DISP1: variants seen among roughly 807,000 people sequenced by gnomAD.
DISP1 encodes the protein dispatched RND transporter family member 1.
A neutral mutation model predicts 37.3 loss-of-function variants in DISP1; 30 were observed. The observed-to-expected ratio is 0.80, with a 90% confidence interval of 0.60 to 1.09. The LOEUF (loss-of-function observed/expected upper bound fraction) is 1.09. Ranked by LOEUF, DISP1 falls within the 50% of genes least tolerant of loss-of-function variation. The pLI is 0.00. For missense variants in DISP1, 1,598 were observed against 1,879.5 expected, an observed-to-expected ratio of 0.85 and a Z score of 2.77; for synonymous variants, 634 against 690.2, an observed-to-expected ratio of 0.92 and a Z score of 1.28.
At chr1:222,855,105 T>C (rs2125316008) in intron 1 of DISP1, among the ~76,000 whole-genome samples, 1 of 152,336 alleles carries the variant, frequency 6.6e-6, no homozygotes, top group East Asian at 1.9e-4. Context: ...ATATAATAAA[T>C]TAGCTTTTGC....
chr1:222,869,906 AT>A (rs2125341618), intron 1 of DISP1, among the ~76,000 whole-genome samples: 1 of 152,180 alleles, frequency 6.6e-6, no homozygotes, highest in Non-Finnish European at 1.5e-5. Context: ...GTCATTTAGC[AT>A]TAGGTATATC....
intron 1 of DISP1, among the ~76,000 whole-genome samples, chr1:222,859,221 T>C (rs1307542038): frequency 6.6e-6 from 1 of 152,074 alleles, no homozygotes; most frequent in Non-Finnish European, 1.5e-5. Context: ...CTCAGCAAAC[T>C]AACACAGGAA....
intron 1 of DISP1, among the ~76,000 whole-genome samples, chr1:222,846,113 A>C (rs1051575086): frequency 1.3e-5 from 2 of 152,130 alleles, no homozygotes; most frequent in African/African-American, 4.8e-5. Flanking sequence ...GTTAATTTTT[A>C]TGTATGTTGA....
intron 8 of DISP1, among the ~76,000 whole-genome samples, chr1:222,997,421 T>G (rs962483452): frequency 6.6e-6 from 1 of 152,226 alleles, no homozygotes; most frequent in South Asian, 2.1e-4. Context: ...AGTTCCCCCA[T>G]AGTCTTCATA....
chr1:222,950,253 G>GA (rs1258916755), intron 3 of DISP1, among the ~76,000 whole-genome samples: 1 of 152,044 alleles, frequency 6.6e-6, no homozygotes, highest in Non-Finnish European at 1.5e-5. Context: ...GAAAGTGGAG[G>GA]AAAGTTGTGA....
In DISP1 at chr1:223,003,716, G is replaced by A. The variant is rs372615313; in HGVS notation, c.2319G>A (p.Met773Ile). The stretch of plus-strand genomic sequence containing the variant: ...ATGCTGAATACAAAAAGCTTTTCAT[G>A]TTTGAACGTGTTCACCATGGCGAGG... Reference protein sequence around the residue: ...RYDAEYKKLFMFERVHHGEEL... With the variant: ...RYDAEYKKLFIFERVHHGEEL... The change falls in exon 9 of 9, where the codon ATG (methionine) becomes ATA (isoleucine). Residue 773 changes from methionine (M) to isoleucine (I), a missense_variant. Transcript: ENST00000675850. The surrounding 1 kb of genome is among the most constrained non-coding windows in gnomAD (Gnocchi z 4.3). 8.1e-6 allele frequency: 13 copies of A among 1,614,022 alleles called. No individual in the cohort carries two copies. Among genetic ancestry groups the A allele is most frequent in the East Asian group, 4.5e-5 (2 of 44,892 alleles).
intron 2 of DISP1, among the ~76,000 whole-genome samples, chr1:222,937,199 C>A (rs1468475167): frequency 6.7e-6 from 1 of 150,218 alleles, no homozygotes. Context: ...ACGCCATTCT[C>A]CTGCCTCAGC....
chr1:222,842,308 C>A (rs1165684634), intron 1 of DISP1, among the ~76,000 whole-genome samples: 10 of 118,782 alleles, frequency 8.4e-5, no homozygotes, highest in African/African-American at 2.7e-4. Flanking sequence ...TAAAACCTGT[C>A]ATTTTAAAAA....
intron 2 of DISP1, among the ~76,000 whole-genome samples, chr1:222,936,262 G>A (rs1673716023): frequency 6.6e-6 from 1 of 152,014 alleles, no homozygotes; most frequent in South Asian, 2.1e-4. Flanking sequence ...ACCACACAAT[G>A]GTGAAATCAC....
chr1:222,910,774 G>T (rs2889941), intron 1 of DISP1, among the ~76,000 whole-genome samples: 50,876 of 151,996 alleles, frequency 0.33, 8,677 homozygotes, highest in East Asian at 0.52. Context: ...GTACCTTGAA[G>T]AAATATGTAG....
intron 1 of DISP1, among the ~76,000 whole-genome samples, chr1:222,834,451 G>T (rs1416908680): frequency 6.6e-6 from 1 of 152,130 alleles, no homozygotes; most frequent in Non-Finnish European, 1.5e-5. Flanking sequence ...CAGGAATTTA[G>T]GAATAGCAGT....
intron 3 of DISP1, among the ~76,000 whole-genome samples, chr1:222,955,364 T>TG (rs1558354739): frequency 2.0e-5 from 3 of 152,170 alleles, no homozygotes; most frequent in African/African-American, 7.2e-5. Flanking sequence ...GAATTACAGG[T>TG]GTGAGCCACA....
chr1:222,819,939 T>G (rs935553936), intron 1 of DISP1, among the ~76,000 whole-genome samples: 4 of 152,354 alleles, frequency 2.6e-5, no homozygotes, highest in Middle Eastern at 3.4e-3. Context: ...ATCTTTTTGC[T>G]TAAATATTTA....
intron 3 of DISP1, among the ~76,000 whole-genome samples, chr1:222,961,803 G>A (rs7531333): frequency 0.13 from 19,054 of 151,846 alleles, 1,548 homozygotes; most frequent in Non-Finnish European, 0.19. Context: ...GTCAAGAGAT[G>A]GAGACCATCC....
At chr1:223,002,295 T>G in intron 8 of DISP1, 90 bp from the exon 9 acceptor site, 1 of 1,220,208 alleles carries the variant, frequency 8.2e-7, no homozygotes, top group Non-Finnish European at 1.2e-6. Flanking sequence ...TCCCTGTCCC[T>G]CAAGATCACC....
intron 1 of DISP1, among the ~76,000 whole-genome samples, chr1:222,840,440 G>A (rs919683657): frequency 3.3e-5 from 5 of 151,504 alleles, no homozygotes; most frequent in Non-Finnish European, 7.4e-5. Context: ...TGGAGTTTCA[G>A]CATGTTGGCC....
At chr1:222,887,505 T>C (rs1302462136) in intron 1 of DISP1, among the ~76,000 whole-genome samples, 9 of 128,444 alleles carry the variant, frequency 7.0e-5, no homozygotes, top group African/African-American at 8.6e-5. Context: ...TTTTTTTTTT[T>C]TTTTGAGACG....
chr1:222,875,180 G>A (rs61840283), intron 1 of DISP1, among the ~76,000 whole-genome samples: 58,951 of 151,656 alleles, frequency 0.39, 11,642 homozygotes, highest in South Asian at 0.51. Flanking sequence ...TTAAATTTAG[G>A]TTTTTGCCTC....
At chr1:222,832,098 G>C (rs1226809676) in intron 1 of DISP1, among the ~76,000 whole-genome samples, 7 of 151,996 alleles carry the variant, frequency 4.6e-5, no homozygotes, top group African/African-American at 1.7e-4. Flanking sequence ...TGGCCAACAT[G>C]ATGAAACCCC....
Sources: allele counts gnomAD v4.1 joint callset (sites outside exome capture counted in the v4.1 genomes callset), GRCh38; gene constraint gnomAD v4.1.1; non-coding constraint Gnocchi (gnomAD v3.1); transcripts MANE v1.5; gene names NCBI Gene and HGNC (gene_info 2026-07-23, HGNC 2026-07-21).